Variants in THSD7B observed in about 807,000 individuals in gnomAD.
THSD7B encodes the protein thrombospondin type 1 domain containing 7B.
A neutral mutation model predicts 213.6 loss-of-function variants in THSD7B; 138 were observed. That is an observed-to-expected ratio of 0.65 (90% CI 0.56 to 0.74). THSD7B has a LOEUF of 0.74. Ranked by LOEUF, THSD7B falls within the 30% of genes least tolerant of loss-of-function variation. The pLI is 0.00. For synonymous variants in THSD7B, 742 were observed against 687.0 expected (o/e 1.08, Z -1.25); for missense variants, 1,931 against 1,991.5 (o/e 0.97, Z 0.58).
intron 25 of THSD7B, among the ~76,000 whole-genome samples, chr2:137,661,492 C>CAA (rs1683341955): frequency 1.3e-5 from 2 of 151,632 alleles, no homozygotes; most frequent in South Asian, 4.2e-4. Flanking sequence ...CAAGCAGAGA[C>CAA]GTAGTTTGAC....
At chr2:136,817,904 C>T (rs1303734736) in intron 1 of THSD7B, among the ~76,000 whole-genome samples, 4 of 150,546 alleles carry the variant, frequency 2.7e-5, no homozygotes, top group African/African-American at 9.7e-5. Flanking sequence ...ACAACAGGTG[C>T]TGGAGAGGAT....
intron 12 of THSD7B, among the ~76,000 whole-genome samples, chr2:137,315,680 C>G (rs1684080442): frequency 6.6e-6 from 1 of 152,028 alleles, no homozygotes. Flanking sequence ...TGTTCTGTTA[C>G]CTTTTTAAAT....
chr2:137,442,477 G>T (rs1177210596), intron 14 of THSD7B, among the ~76,000 whole-genome samples: 1 of 126,330 alleles, frequency 7.9e-6, no homozygotes, highest in Non-Finnish European at 1.8e-5. Context: ...AAAGCCACAG[G>T]GTCTCTCACT....
chr2:137,565,986 T>C (rs1365727221), intron 16 of THSD7B, among the ~76,000 whole-genome samples: 1 of 152,194 alleles, frequency 6.6e-6, no homozygotes, highest in Non-Finnish European at 1.5e-5. Flanking sequence ...CACCATGCTG[T>C]ATGTACGTAA....
At chr2:137,650,324 T>G (rs1683113806) in intron 21 of THSD7B, among the ~76,000 whole-genome samples, 1 of 152,326 alleles carries the variant, frequency 6.6e-6, no homozygotes, top group Admixed American at 6.5e-5. Flanking sequence ...TTTGCAGGTG[T>G]TTTATATCCT....
At chr2:137,560,597 C>CA (rs1467333652) in intron 15 of THSD7B, among the ~76,000 whole-genome samples, 3 of 152,012 alleles carry the variant, frequency 2.0e-5, no homozygotes, top group African/African-American at 7.2e-5. Flanking sequence ...AGCATTAGGA[C>CA]ATATACCTAA....
chr2:137,244,569 T>C (rs1291543307), intron 10 of THSD7B, among the ~76,000 whole-genome samples: 1 of 152,188 alleles, frequency 6.6e-6, no homozygotes, highest in Non-Finnish European at 1.5e-5. Flanking sequence ...AAGTAATTGT[T>C]CCTCAAGCAA....
intron 2 of THSD7B, among the ~76,000 whole-genome samples, chr2:136,903,598 T>TCCTG (rs1305947682): frequency 6.6e-6 from 1 of 152,120 alleles, no homozygotes; most frequent in Non-Finnish European, 1.5e-5. Context: ...CAGCCCTTTA[T>TCCTG]CCTGGGTGAC....
intron 3 of THSD7B, among the ~76,000 whole-genome samples, chr2:137,091,520 T>TATTTTATTTTATTC (rs1553470201): frequency 4.0e-5 from 6 of 151,842 alleles, no homozygotes; most frequent in African/African-American, 1.4e-4. Context: ...TATTTTATTT[T>TATTTTATTTTATTC]ATTCATTCAT....
chr2:137,054,966 A>G (rs1687134141), intron 2 of THSD7B, among the ~76,000 whole-genome samples: 1 of 151,816 alleles, frequency 6.6e-6, no homozygotes, highest in South Asian at 2.1e-4. Flanking sequence ...GGTGGGTGAT[A>G]TTCCCCTCCC....
At chr2:137,648,304 T>G (rs1683075020) in intron 21 of THSD7B, among the ~76,000 whole-genome samples, 1 of 152,178 alleles carries the variant, frequency 6.6e-6, no homozygotes, top group African/African-American at 2.4e-5. Flanking sequence ...CCTACTGATC[T>G]ATCAAATACT....
intron 17 of THSD7B, among the ~76,000 whole-genome samples, chr2:137,586,310 T>C (rs1361174519): frequency 6.6e-6 from 1 of 152,214 alleles, no homozygotes; most frequent in African/African-American, 2.4e-5. Flanking sequence ...CTGTGTCTTT[T>C]AACTGGAGTA....
chr2:137,353,157 G>T (rs77658099), intron 12 of THSD7B, among the ~76,000 whole-genome samples: 7,439 of 152,162 alleles, frequency 0.049, 262 homozygotes, highest in Non-Finnish European at 0.079. Flanking sequence ...AAAAGACAGG[G>T]AGGCAGTGTT....
intron 16 of THSD7B, among the ~76,000 whole-genome samples, chr2:137,568,682 T>C (rs1292640846): frequency 2.6e-5 from 4 of 152,122 alleles, no homozygotes; most frequent in African/African-American, 7.2e-5. Flanking sequence ...AAAACTGCCA[T>C]TTATAAAACC....
At chr2:137,028,129 G>A (rs1029312674) in intron 2 of THSD7B, among the ~76,000 whole-genome samples, 1 of 152,096 alleles carries the variant, frequency 6.6e-6, no homozygotes, top group East Asian at 1.9e-4. Context: ...TTATTAAGAT[G>A]GTTGTTTTTG....
chr2:137,583,200 G>A (rs1681623857), intron 17 of THSD7B, among the ~76,000 whole-genome samples: 1 of 151,908 alleles, frequency 6.6e-6, no homozygotes, highest in Non-Finnish European at 1.5e-5. Context: ...TTTTTTTCTT[G>A]TAAATTTGTT....
intron 14 of THSD7B, among the ~76,000 whole-genome samples, chr2:137,448,967 TTTTG>T (rs905243259): frequency 3.4e-4 from 52 of 152,314 alleles, no homozygotes; most frequent in African/African-American, 1.0e-3. Flanking sequence ...TATAAAGAAT[TTTTG>T]TTTGTTTGTT....
chr2:137,056,816 A>T lies in THSD7B; in HGVS notation c.536A>T (p.Asp179Val). ...GCTTGCCTCATTCCTTGTCCCCGGG[A>T]TTGTGTAGTATCTGAGTTCTTACCA... ...EQACLIPCPRDCVVSEFLPWS... is the reference protein window; with the variant it reads ...EQACLIPCPRVCVVSEFLPWS... The change falls in exon 3 of 28, where the codon GAT (aspartate) becomes GTT (valine). Residue 179 changes from aspartate (D) to valine (V), a missense_variant. By Grantham distance (152) the Asp-to-Val change is radical (BLOSUM62 -3). Transcript: ENST00000409968. 6.2e-7 allele frequency: 1 copy of T among 1,613,822 alleles called. No individual in the cohort carries two copies. The highest frequency in any genetic ancestry group is 8.5e-7 in the Non-Finnish European group (1 of 1,179,850).
intron 15 of THSD7B, among the ~76,000 whole-genome samples, chr2:137,458,352 T>TGCTTTTACTTTGACTGGACC (rs1188104059): frequency 6.6e-6 from 1 of 152,206 alleles, no homozygotes; most frequent in Non-Finnish European, 1.5e-5. Flanking sequence ...TTGACTGGTC[T>TGCTTTTACTTTGACTGGACC]GCTTTTACTT....
Sources: allele counts gnomAD v4.1 joint callset (sites outside exome capture counted in the v4.1 genomes callset), GRCh38; gene constraint gnomAD v4.1.1; transcripts MANE v1.5; gene names NCBI Gene and HGNC (gene_info 2026-07-23, HGNC 2026-07-21).